The following CDK13 variants were observed in gnomAD, a reference collection of about 807,000 sequenced individuals.
The protein encoded by CDK13 is cyclin dependent kinase 13.
CDK13 carries 40 observed loss-of-function variants against 137.6 expected under a neutral mutation model. The ratio of observed to expected loss-of-function variants is 0.29; its 90% CI spans 0.23 to 0.38. CDK13 has a LOEUF of 0.38. CDK13 is among the 10% of genes least tolerant of loss of function. The pLI is 1.00. For missense variants in CDK13, 1,704 were observed against 1,951.8 expected (o/e 0.87, Z 2.39); for synonymous variants, 869 against 760.1 (o/e 1.14, Z -2.36).
chr7:39,952,608 C>G (rs867501043), intron 1 of CDK13: 2 of 152,068 alleles, frequency 1.3e-5, no homozygotes, highest in African/African-American at 2.4e-5. Context: ...GGTGGTGTAA[C>G]CTAGTGTAAC....
At chr7:40,021,114 T>TACACACACACACACACAC (rs1261518119) in intron 5 of CDK13, among the ~76,000 whole-genome samples, 63 of 94,754 alleles carry the variant, frequency 6.6e-4, no homozygotes, top group African/African-American at 2.4e-3. Flanking sequence ...TATATATATA[T>TACACACACACACACACAC]ATATATATAC....
rs2116318000 is a variant in CDK13 at position 39,999,440 on chromosome 7, A to G, written c.2122A>G (p.Ile708Val). 6.2e-7 allele frequency: 1 copy of G among 1,613,212 alleles called. No individual in the cohort carries two copies. Among genetic ancestry groups the G allele is most frequent in the East Asian group, 2.2e-5 (1 of 44,824 alleles). ...GKRCVDKFDIIGIIGEGTYGQ... is the reference protein window; with the variant it reads ...GKRCVDKFDIVGIIGEGTYGQ... ...ACGCTGCGTGGATAAATTTGATATC[A>G]TCGGAATTATTGGAGAAGGTACTTA... The change falls in exon 4 of 14, where the codon ATC becomes GTC. Residue 708 changes from isoleucine to valine, a missense_variant. Around this residue, in one of 5 missense-constraint regions of CDK13, gnomAD observed 130 missense variants for 362.4 expected, o/e 0.36. Transcript: ENST00000181839.
chr7:40,079,195 C>T (rs1171518016), intron 11 of CDK13, among the ~76,000 whole-genome samples: 4 of 152,012 alleles, frequency 2.6e-5, no homozygotes, highest in Non-Finnish European at 4.4e-5. Context: ...CCGAGGTGGG[C>T]GGATCATGAG....
chr7:40,044,722 T>C (rs1437839196), intron 5 of CDK13, among the ~76,000 whole-genome samples: 1 of 152,092 alleles, frequency 6.6e-6, no homozygotes, highest in Non-Finnish European at 1.5e-5. Flanking sequence ...CTGCAAGCTC[T>C]GCCTCCCGGG....
chr7:40,093,184 A>G lies in CDK13; in HGVS notation c.3635A>G (p.His1212Arg), dbSNP rs1460748316. Residue 1212 changes from histidine (H) to arginine (R), a missense_variant, in exon 13 of 14, where the codon CAT becomes CGT. Transcript: ENST00000181839. ...GAAGAGAGGGAAAATGGATCGGGAC[A>G]TGAAGCGTCATTACAACTCAGGCCA... ...LLEERENGSG[H>R]EASLQLRPPP... is the part of the protein sequence containing the mutation. 1.2e-6 allele frequency: 2 copies of G among 1,614,082 alleles called. No individual in the cohort carries two copies. Among genetic ancestry groups the G allele is most frequent in the Admixed American group, 1.7e-5 (1 of 60,026 alleles).
chr7:40,019,837 G>T (rs992345216), intron 5 of CDK13, among the ~76,000 whole-genome samples: 1 of 152,104 alleles, frequency 6.6e-6, no homozygotes, highest in African/African-American at 2.4e-5. Context: ...TAAGGGCAGG[G>T]TTTAGGGTTG....
chr7:40,083,680 T>C (rs1360236899), intron 11 of CDK13, among the ~76,000 whole-genome samples: 1 of 152,144 alleles, frequency 6.6e-6, no homozygotes, highest in Non-Finnish European at 1.5e-5. Flanking sequence ...AGACTTAATT[T>C]TATCAGAACA....
chr7:39,962,444 G>T (rs1052311318), intron 1 of CDK13, among the ~76,000 whole-genome samples: 6 of 152,224 alleles, frequency 3.9e-5, no homozygotes, highest in Non-Finnish European at 5.9e-5. Flanking sequence ...CTTTCGAGAA[G>T]TGTCTGTTCA....
At chr7:40,049,665 G>C (rs1785836763) in intron 7 of CDK13, among the ~76,000 whole-genome samples, 1 of 152,084 alleles carries the variant, frequency 6.6e-6, no homozygotes, top group South Asian at 2.1e-4. Context: ...CTGCCAAGTT[G>C]TACAATAAAT....
chr7:39,958,800 C>T (rs868029027), intron 1 of CDK13, among the ~76,000 whole-genome samples: 2 of 151,876 alleles, frequency 1.3e-5, no homozygotes, highest in African/African-American at 2.4e-5. Context: ...ATTTTTGAGG[C>T]AAAGGTGGTA....
At chr7:39,961,400 T>C (rs929521617) in intron 1 of CDK13, among the ~76,000 whole-genome samples, 7 of 152,288 alleles carry the variant, frequency 4.6e-5, no homozygotes, top group African/African-American at 1.7e-4. Flanking sequence ...GAATATGCAG[T>C]GCATTATTGT....
intron 1 of CDK13, among the ~76,000 whole-genome samples, chr7:39,979,468 G>A (rs745413397): frequency 3.2e-4 from 49 of 151,968 alleles, no homozygotes; most frequent in Non-Finnish European, 6.5e-4. Flanking sequence ...TGCCCATCTC[G>A]GCTTCCCAAA....
intron 11 of CDK13, among the ~76,000 whole-genome samples, chr7:40,085,232 G>A (rs1786762538): frequency 6.6e-6 from 1 of 152,090 alleles, no homozygotes. Flanking sequence ...ATGGTGGCAT[G>A]TGCCTGTAAT....
intron 11 of CDK13, among the ~76,000 whole-genome samples, chr7:40,080,980 C>G (rs376187340): frequency 7.4e-6 from 1 of 135,200 alleles, no homozygotes; most frequent in Non-Finnish European, 1.5e-5. Flanking sequence ...CCAGTTGACC[C>G]AATAATTTCT....
chr7:40,087,412 G>A (rs940735291), intron 11 of CDK13, among the ~76,000 whole-genome samples: 1 of 152,092 alleles, frequency 6.6e-6, no homozygotes. Context: ...CTAAGCACTG[G>A]GATTATAGGC....
In CDK13 at chr7:39,988,145, A is replaced by G. The variant is rs753653329; in HGVS notation, c.1758A>G (p.Pro586=). The G allele has an allele frequency of 5.0e-6, 8 of 1,613,928 alleles. No individual in the cohort carries two copies. Among genetic ancestry groups the G allele is most frequent in the South Asian group, 3.3e-5 (3 of 91,068 alleles). The change falls in exon 2 of 14, where the codon CCA becomes CCG. Residue 586 remains proline (P), a synonymous_variant. Coordinates refer to ENST00000181839, the MANE Select transcript of CDK13 (RefSeq NM_003718.5). ...ESVSLKEKTK[P]LTPSIGAKEK... is the part of the protein sequence containing the mutation. ...TATCTCTTAAAGAGAAAACCAAACC[A>G]CTTACACCAAGCATAGGAGCCAAGG...
chr7:40,082,486 CAAAAAAAA>C (rs70996879), intron 11 of CDK13, among the ~76,000 whole-genome samples: 17 of 74,882 alleles, frequency 2.3e-4, no homozygotes, highest in East Asian at 6.8e-4. Flanking sequence ...ACTCCATTTC[CAAAAAAAA>C]AAAAAAAAAA....
intron 11 of CDK13, among the ~76,000 whole-genome samples, chr7:40,080,709 A>G (rs1007525508): frequency 6.6e-6 from 1 of 152,208 alleles, no homozygotes; most frequent in African/African-American, 2.4e-5. Flanking sequence ...TTTCAACTCT[A>G]TAGAAAAATA....
At chr7:40,021,441 A>G (rs969883525) in intron 5 of CDK13, among the ~76,000 whole-genome samples, 5 of 151,022 alleles carry the variant, frequency 3.3e-5, no homozygotes, top group Admixed American at 2.6e-4. Flanking sequence ...GGTTGCGGTG[A>G]GCTGAGATCC....
Sources: gnomAD v4.1 joint callset for allele counts (sites outside exome capture counted in the v4.1 genomes callset) on GRCh38, gnomAD v4.1.1 for gene constraint, gnomAD v4.1.1 regional missense constraint, MANE v1.5 for transcripts, NCBI Gene and HGNC (gene_info 2026-07-23, HGNC 2026-07-21) for gene names.